INPP5D: variants seen among roughly 807,000 people sequenced by gnomAD.
The protein encoded by INPP5D is phosphatidylinositol 3,4,5-trisphosphate 5-phosphatase 1.
Under a neutral mutation model 122.9 loss-of-function variants are expected in INPP5D, and 33 were observed. That is an observed-to-expected ratio of 0.27 (90% CI 0.20 to 0.36). The LOEUF (loss-of-function observed/expected upper bound fraction) is 0.36, where lower values mean the gene tolerates loss of function less well. Among genes scored for constraint, INPP5D ranks in the 10% least tolerant of loss-of-function variants. The probability of loss-of-function intolerance (pLI) is 1.00; values close to 1 mark genes in which losing one functional copy is unlikely to be tolerated. For synonymous variants in INPP5D, 584 were observed against 576.2 expected, an observed-to-expected ratio of 1.01 and a Z score of -0.19; for missense variants, 1,053 against 1,412.7, an observed-to-expected ratio of 0.75 and a Z score of 4.08.
At chr2:233,086,134 T>TTTCTTTCC (rs1691831541) in intron 2 of INPP5D, among the ~76,000 whole-genome samples, 5 of 124,470 alleles carry the variant, frequency 4.0e-5, no homozygotes, top group African/African-American at 6.3e-5. Flanking sequence ...TCTTTCTTTC[T>TTTCTTTCC]TTCTTTCTTT....
At chr2:233,060,684 G>T (rs1382605408) in intron 1 of INPP5D, 72 bp downstream of exon 1, 2 of 1,582,938 alleles carry the variant, frequency 1.3e-6, no homozygotes, top group Non-Finnish European at 1.7e-6. Context: ...GCTTTGAGAT[G>T]GGTTGTTCTT....
intron 22 of INPP5D, among the ~76,000 whole-genome samples, chr2:233,192,281 C>T (rs577517873): frequency 4.6e-5 from 7 of 152,314 alleles, no homozygotes; most frequent in Non-Finnish European, 5.9e-5. Context: ...TTCTGCGACA[C>T]GGCAAGACCA....
intron 25 of INPP5D, among the ~76,000 whole-genome samples, chr2:233,199,120 C>T (rs1695263649): frequency 6.6e-6 from 1 of 152,162 alleles, no homozygotes; most frequent in South Asian, 2.1e-4. Flanking sequence ...CATGGTGGCT[C>T]ACACCTGTAA....
At position 233,202,431 on chromosome 2, in the gene INPP5D, G is replaced by A. The variant is rs73111469; in HGVS notation, c.2976-1695G>A. Among the ~76,000 whole-genome samples the A allele has an allele frequency of 7.9e-3, 1,207 of 152,334 alleles. 22 individuals are homozygous for A. Among genetic ancestry groups the A allele is most frequent in the African/African-American group, 0.028 (1,171 of 41,568 alleles). On this transcript the variant is annotated intron_variant, in intron 25 of 26. Coordinates refer to ENST00000445964, the MANE Select transcript of INPP5D (RefSeq NM_001017915.3). ...CAAAAATTAATGGGCAACACCCCCA[G>A]GTGCACAGTCAGGCTCCCTTTGGTG...
At chr2:233,076,512 T>G (rs556605230) in intron 1 of INPP5D, 1 of 152,260 alleles carries the variant, frequency 6.6e-6, no homozygotes, top group South Asian at 2.1e-4. Context: ...CATGTGGAAG[T>G]GAAATTACTC....
chr2:233,159,912 G>T (rs1047239919), intron 10 of INPP5D, among the ~76,000 whole-genome samples: 1 of 152,090 alleles, frequency 6.6e-6, no homozygotes, highest in Non-Finnish European at 1.5e-5. Context: ...GGTGTCCAGA[G>T]CTGTCAGGAA....
Position 233,185,836 on chromosome 2 carries a change from C to G in INPP5D, c.2276-7C>G. On this transcript the variant is annotated splice_region_variant and splice_polypyrimidine_tract_variant and intron_variant, in intron 20 of 26. Transcript: ENST00000445964. ...TTCTGAAAACCAGCCTTTTTGTCCTCCAACAGGTTTTGTCAAGAGTCAGGA... is the reference window on the plus strand; with the variant it reads ...TTCTGAAAACCAGCCTTTTTGTCCTGCAACAGGTTTTGTCAAGAGTCAGGA... 1 of 1,596,604 alleles carries G rather than the reference C, an allele frequency of 6.3e-7. No homozygotes were observed.
At chr2:233,116,121 T>C (rs911099238) in intron 2 of INPP5D, among the ~76,000 whole-genome samples, 3 of 152,010 alleles carry the variant, frequency 2.0e-5, no homozygotes, top group African/African-American at 7.3e-5. Flanking sequence ...TCTGCTTGAC[T>C]CTTGGCTGTG....
intron 23 of INPP5D, 98 bp from the exon 24 acceptor site, chr2:233,195,301 T>C (rs1277854657): frequency 1.3e-6 from 2 of 1,579,640 alleles, no homozygotes; most frequent in Non-Finnish European, 1.7e-6. Context: ...CTATTCACTG[T>C]GCAGCTTCAG....
intron 2 of INPP5D, among the ~76,000 whole-genome samples, chr2:233,080,430 GGTGTGT>G (rs5839469): frequency 2.0e-5 from 3 of 148,472 alleles, no homozygotes; most frequent in Non-Finnish European, 3.0e-5. Context: ...CCACATCCCG[GGTGTGT>G]GTGTGTGTGT....
chr2:233,132,885 ATTTT>A (rs35276718), intron 5 of INPP5D, among the ~76,000 whole-genome samples: 1 of 117,986 alleles, frequency 8.5e-6, no homozygotes, highest in Non-Finnish European at 1.7e-5. Flanking sequence ...ATGAACAAGA[ATTTT>A]TTTTTTTTTT....
At chr2:233,147,715 C>A (rs751564839) in intron 9 of INPP5D, 121 bp downstream of exon 9, 6 of 630,222 alleles carry the variant, frequency 9.5e-6, no homozygotes, top group Non-Finnish European at 1.7e-5. Context: ...TGCGCGCCTG[C>A]GCTCATGCTT....
intron 10 of INPP5D, among the ~76,000 whole-genome samples, chr2:233,161,255 C>A (rs558203016): frequency 6.6e-6 from 1 of 152,048 alleles, no homozygotes; most frequent in East Asian, 1.9e-4. Flanking sequence ...CCACGCTTGG[C>A]TAATTTTGTA....
chr2:233,064,623 G>T (rs1328956125), intron 1 of INPP5D, among the ~76,000 whole-genome samples: 2 of 152,230 alleles, frequency 1.3e-5, no homozygotes, highest in African/African-American at 4.8e-5. Context: ...AGCGGTTTAT[G>T]GAACAGGCCT....
At chr2:233,114,948 A>T (rs934341659) in intron 2 of INPP5D, among the ~76,000 whole-genome samples, 1 of 150,498 alleles carries the variant, frequency 6.6e-6, no homozygotes, top group Non-Finnish European at 1.5e-5. Flanking sequence ...GCTCACCACA[A>T]CCTCTGCCTC....
At chr2:233,179,633 AG>A (rs1409704231) in intron 18 of INPP5D, among the ~76,000 whole-genome samples, 1 of 152,020 alleles carries the variant, frequency 6.6e-6, no homozygotes, top group Non-Finnish European at 1.5e-5. Flanking sequence ...TCTTCCGGGG[AG>A]GGCTGGGTTT....
chr2:233,134,143 G>A (rs1212285766), intron 5 of INPP5D: 2 of 405,970 alleles, frequency 4.9e-6, no homozygotes, highest in African/African-American at 4.1e-5. Context: ...CTGGGATAGG[G>A]AAAGTCAAGG....
chr2:233,184,473 A>G lies in INPP5D; in HGVS notation c.2227A>G (p.Lys743Glu). The G allele has an allele frequency of 1.2e-6, 2 of 1,614,050 alleles. No homozygotes were observed. The highest frequency in any genetic ancestry group is 1.3e-5 in the African/African-American group (1 of 75,050). Reference sequence around the variant, plus strand: ...CAGGTGCTATGCCACATTGAAGACCAAGTCCCAGACCAAATTCTACCTGGA... The same window carrying G: ...CAGGTGCTATGCCACATTGAAGACCGAGTCCCAGACCAAATTCTACCTGGA... ...FLRCYATLKTKSQTKFYLEFH... is the reference protein window; with the variant it reads ...FLRCYATLKTESQTKFYLEFH... Residue 743 changes from lysine to glutamate, a missense_variant, in exon 20 of 27, where the codon AAG (lysine) becomes GAG (glutamate). Transcript: ENST00000445964.
At chr2:233,148,505 A>G (rs1469305711) in intron 9 of INPP5D, among the ~76,000 whole-genome samples, 1 of 152,210 alleles carries the variant, frequency 6.6e-6, no homozygotes, top group Non-Finnish European at 1.5e-5. Context: ...CAGCATGTGC[A>G]AACGCTGGGA....
Sources: gnomAD v4.1 joint callset for allele counts (sites outside exome capture counted in the v4.1 genomes callset) on GRCh38, gnomAD v4.1.1 for gene constraint, MANE v1.5 for transcripts, NCBI Gene and HGNC (gene_info 2026-07-23, HGNC 2026-07-21) for gene names.